Variants in HBM observed in about 807,000 individuals in gnomAD.
HBM encodes the protein hemoglobin subunit mu.
A neutral mutation model predicts 12.8 loss-of-function variants in HBM; 9 were observed. The observed-to-expected ratio is 0.70, with a 90% confidence interval of 0.42 to 1.23. The LOEUF (loss-of-function observed/expected upper bound fraction) is 1.23, where lower values mean the gene tolerates loss of function less well. HBM is among the 50% of genes most tolerant of loss of function. HBM has a pLI of 0.00. For missense variants in HBM, 214 were observed against 195.4 expected (o/e 1.10, Z -0.57); for synonymous variants, 100 against 92.0 (o/e 1.09, Z -0.50).
chr16:166,254 A>G lies in HBM; in HGVS notation c.93-14A>G. The G allele has an allele frequency of 6.3e-7, 1 of 1,585,596 alleles. No individual in the cohort carries two copies. The stretch of plus-strand genomic sequence containing the variant: ...CAGCCGCCCTCCTCCCCGGTCACTG[A>G]CCTGGTCCTGCAGGCTCTTCACGGT... On this transcript the variant is annotated splice_polypyrimidine_tract_variant and intron_variant, in intron 1 of 2. Coordinates refer to ENST00000356815, the MANE Select transcript of HBM (RefSeq NM_001003938.4).
rs1030308310 is a variant in HBM, at chr16:166,336, A to G, written c.161A>G (p.Gln54Arg). The G allele has an allele frequency of 6.9e-6, 11 of 1,594,886 alleles. No homozygotes were observed. The South Asian group carries it at 1.1e-4, about 16-fold the overall frequency. Residue 54 changes from glutamine to arginine, a missense_variant, in exon 2 of 3, where the codon CAG becomes CGG. Gln to Arg is a conservative substitution (Grantham distance 43). Transcript: ENST00000356815. ...PHLSACQDAT[Q>R]LLSHGQRMLA... ...CTGAGCGCCTGCCAGGACGCGACGC[A>G]GCTGCTGAGCCACGGGCAGCGCATG...
At position 166,368 on chromosome 16, in the gene HBM, G is replaced by A. The variant is rs200995285; in HGVS notation, c.193G>A (p.Ala65Thr). 5 of 1,585,002 alleles carry A rather than the reference G, an allele frequency of 3.2e-6. No individual in the cohort carries two copies. The East Asian group carries it at 9.1e-5, about 29-fold the overall frequency. Residue 65 changes from alanine to threonine, a missense_variant, in exon 2 of 3, where the codon GCT becomes ACT. Coordinates refer to ENST00000356815, the MANE Select transcript of HBM (RefSeq NM_001003938.4). Reference sequence around the variant, plus strand: ...GAGCCACGGGCAGCGCATGCTGGCGGCTGTGGGCGCGGCGGTGCAGCACGT... The same window carrying A: ...GAGCCACGGGCAGCGCATGCTGGCGACTGTGGGCGCGGCGGTGCAGCACGT... ...LLSHGQRMLA[A>T]VGAAVQHVDN...
rs1567161488 is a variant in HBM at position 166,040 on chromosome 16, G to T, written c.43G>T (p.Asp15Tyr). ...QERAQIAQVW[D>Y]LIAGHEAQFG... is the part of the protein sequence containing the mutation. ...GCGCGCCCAAATCGCGCAGGTCTGGGACCTGATTGCGGGCCACGAGGCGCA... is the reference window on the plus strand; with the variant it reads ...GCGCGCCCAAATCGCGCAGGTCTGGTACCTGATTGCGGGCCACGAGGCGCA... The change falls in exon 1 of 3, where the codon GAC (aspartate) becomes TAC (tyrosine). Residue 15 changes from aspartate to tyrosine, a missense_variant. Physicochemically the swap from Asp to Tyr is radical, Grantham distance 160. Transcript: ENST00000356815. 1 of 1,601,524 alleles carries T rather than the reference G, an allele frequency of 6.2e-7. No individual in the cohort carries two copies. Among genetic ancestry groups the T allele is most frequent in the South Asian group, 1.1e-5 (1 of 90,100 alleles).
chr16:166,714 G>T lies in HBM; in HGVS notation c.*6G>T. ...TGACCGAAAAATACCGCTGAGCCCT[G>T]TGCTGCGCAGGCCTTGGTCTGTGCC... On this transcript the variant is annotated 3_prime_UTR_variant, in exon 3 of 3. Coordinates refer to ENST00000356815, the MANE Select transcript of HBM (RefSeq NM_001003938.4). 1 of 1,613,938 alleles carries T rather than the reference G, an allele frequency of 6.2e-7. No individual in the cohort carries two copies.
chr16:166,753 A>T lies in HBM; in HGVS notation c.*45A>T. 2 of 1,607,108 alleles carry T rather than the reference A, an allele frequency of 1.2e-6. No individual in the cohort carries two copies. The highest frequency in any genetic ancestry group is 8.5e-7 in the Non-Finnish European group (1 of 1,176,454). The stretch of plus-strand genomic sequence containing the variant: ...TTGGTCTGTGCCTGTCAATAAACAG[A>T]GGCCCGAACCATCTGCCCCTGCCTG... On this transcript the variant is annotated 3_prime_UTR_variant, in exon 3 of 3. Transcript: ENST00000356815.
rs756971365 is a variant in HBM at position 166,602 on chromosome 16, T to C, written c.320T>C (p.Val107Ala). The C allele has an allele frequency of 6.2e-7, 1 of 1,613,832 alleles. No homozygotes were observed. Among genetic ancestry groups the C allele is most frequent in the Admixed American group, 1.7e-5 (1 of 59,990 alleles). ...NFPLLIQCFH[V>A]VLASHLQDEF... ...CAGCTGCTAATCCAGTGTTTCCACG[T>C]CGTGCTGGCCTCCCACCTGCAGGAC... is the stretch of plus-strand genomic sequence containing the variant. Residue 107 changes from valine to alanine, a missense_variant, in exon 3 of 3, where the codon GTC becomes GCC. Transcript: ENST00000356815.
Position 166,105 on chromosome 16 carries a change from G to A in HBM, c.92+16G>A, listed in dbSNP as rs1208306107. ...TGCTGCTCAGGTCGGTAGAGGCGGG[G>A]TCTCCGGGAGCTCAGGGAGGTGGAG... On this transcript the variant is annotated intron_variant, in intron 1 of 2. Transcript: ENST00000356815. 6 of 1,583,464 alleles carry A rather than the reference G, an allele frequency of 3.8e-6. No homozygotes were observed. Among genetic ancestry groups the A allele is most frequent in the East Asian group, 2.3e-5 (1 of 43,986 alleles).
rs1316577989 is a variant in HBM, at chr16:166,101, C to A, written c.92+12C>A. 6.3e-7 allele frequency: 1 copy of A among 1,582,706 alleles called. No homozygotes were observed. Among genetic ancestry groups the A allele is most frequent in the Non-Finnish European group, 8.6e-7 (1 of 1,161,400 alleles). On this transcript the variant is annotated intron_variant, in intron 1 of 2. Transcript: ENST00000356815. ...GAGCTGCTGCTCAGGTCGGTAGAGG[C>A]GGGGTCTCCGGGAGCTCAGGGAGGT...
chr16:166,122 G>A (rs758597107), intron 1 of HBM, 33 bp downstream of exon 1: 17 of 1,556,900 alleles, frequency 1.1e-5, no homozygotes, highest in Admixed American at 1.8e-5. Flanking sequence ...GGAGCTCAGG[G>A]AGGTGGAGAT....
chr16:166,045 G>C lies in HBM; in HGVS notation c.48G>C (p.Leu16=). ...CCCAAATCGCGCAGGTCTGGGACCT[G>C]ATTGCGGGCCACGAGGCGCAATTCG... ...ERAQIAQVWD[L]IAGHEAQFGA... is the part of the protein sequence containing the mutation. Residue 16 remains leucine (L), a synonymous_variant, in exon 1 of 3, where the codon CTG becomes CTC. Coordinates refer to ENST00000356815, the MANE Select transcript of HBM (RefSeq NM_001003938.4). 1 of 1,602,206 alleles carries C rather than the reference G, an allele frequency of 6.2e-7. No homozygotes were observed. Among genetic ancestry groups the C allele is most frequent in the Non-Finnish European group, 8.5e-7 (1 of 1,176,236 alleles).
At position 166,316 on chromosome 16, in the gene HBM, C is replaced by G. The variant is rs753616222; in HGVS notation, c.141C>G (p.Ser47Arg). 5.6e-6 allele frequency: 9 copies of G among 1,595,334 alleles called. No homozygotes were observed. The highest frequency in any genetic ancestry group is 2.2e-5 in the South Asian group (2 of 90,608). The change falls in exon 2 of 3, where the codon AGC becomes AGG. Residue 47 changes from serine (S) to arginine (R), a missense_variant. By Grantham distance (110) the Ser-to-Arg change is moderately radical (BLOSUM62 -1). Coordinates refer to ENST00000356815, the MANE Select transcript of HBM (RefSeq NM_001003938.4). ...CCAAGGTCTACTTCCCGCACCTGAG[C>G]GCCTGCCAGGACGCGACGCAGCTGC... is the stretch of plus-strand genomic sequence containing the variant. The part of the protein sequence containing the change: ...PSTKVYFPHL[S>R]ACQDATQLLS...
chr16:166,161 G>C, intron 1 of HBM, 72 bp downstream of exon 1: 1 of 1,464,184 alleles, frequency 6.8e-7, no homozygotes, highest in Non-Finnish European at 9.3e-7. Flanking sequence ...GGCCGCCAAC[G>C]CCATCCAAGG....
Position 166,604 on chromosome 16 carries a change from G to A in HBM, c.322G>A (p.Val108Met). 1.2e-6 allele frequency: 2 copies of A among 1,613,854 alleles called. No homozygotes were observed. Among genetic ancestry groups the A allele is most frequent in the East Asian group, 4.5e-5 (2 of 44,866 alleles). ...GCTGCTAATCCAGTGTTTCCACGTC[G>A]TGCTGGCCTCCCACCTGCAGGACGA... is the stretch of plus-strand genomic sequence containing the variant. ...FPLLIQCFHVVLASHLQDEFT... is the reference protein window; with the variant it reads ...FPLLIQCFHVMLASHLQDEFT... Residue 108 changes from valine to methionine, a missense_variant, in exon 3 of 3, where the codon GTG becomes ATG. Physicochemically the swap from Val to Met is conservative, Grantham distance 21. Coordinates refer to ENST00000356815, the MANE Select transcript of HBM (RefSeq NM_001003938.4).
At position 166,463 on chromosome 16, in the gene HBM, C is replaced by T. The variant is rs898720724; in HGVS notation, c.288C>T (p.Ala96=). The T allele has an allele frequency of 3.8e-5, 59 of 1,549,592 alleles. No homozygotes were observed. The highest frequency in any genetic ancestry group is 4.9e-5 in the Non-Finnish European group (57 of 1,152,438). The change falls in exon 2 of 3, where the codon GCC becomes GCT. Residue 96 remains alanine, a synonymous_variant. Coordinates refer to ENST00000356815, the MANE Select transcript of HBM (RefSeq NM_001003938.4). The stretch of plus-strand genomic sequence containing the variant: ...CGCTCGTGCTGCGCGTGGACCCAGC[C>T]AACTTTCCGGTGAGGCCTTTCCGGC... ...LHALVLRVDP[A]NFPLLIQCFH...
chr16:166,453 T>G lies in HBM; in HGVS notation c.278T>G (p.Val93Gly). 1 of 1,548,810 alleles carries G rather than the reference T, an allele frequency of 6.5e-7. No individual in the cohort carries two copies. ...GACCTGCACGCGCTCGTGCTGCGCG[T>G]GGACCCAGCCAACTTTCCGGTGAGG... is the stretch of plus-strand genomic sequence containing the variant. ...LADLHALVLR[V>G]DPANFPLLIQ... Residue 93 changes from valine (V) to glycine (G), a missense_variant, in exon 2 of 3, where the codon GTG (valine) becomes GGG (glycine). Coordinates refer to ENST00000356815, the MANE Select transcript of HBM (RefSeq NM_001003938.4).
In HBM at chr16:166,423, T is replaced by C; in HGVS notation, c.248T>C (p.Leu83Pro). 3.2e-6 allele frequency: 5 copies of C among 1,551,820 alleles called. No homozygotes were observed. The highest frequency in any genetic ancestry group is 3.5e-6 in the Non-Finnish European group (4 of 1,155,516). The change falls in exon 2 of 3, where the codon CTG becomes CCG. Residue 83 changes from leucine to proline, a missense_variant. Physicochemically the swap from Leu to Pro is moderately conservative, Grantham distance 98. Coordinates refer to ENST00000356815, the MANE Select transcript of HBM (RefSeq NM_001003938.4). Reference protein sequence around the residue: ...VDNLRAALSPLADLHALVLRV... With the variant: ...VDNLRAALSPPADLHALVLRV... ...AACCTGCGCGCCGCGCTGAGCCCGC[T>C]GGCGGACCTGCACGCGCTCGTGCTG...
Position 166,755 on chromosome 16 carries a change from G to A in HBM, c.*47G>A, listed in dbSNP as rs373584846. The A allele has an allele frequency of 5.0e-4, 799 of 1,605,510 alleles. No individual in the cohort carries two copies. The highest frequency in any genetic ancestry group is 5.8e-4 in the Non-Finnish European group (682 of 1,175,640). ...GGTCTGTGCCTGTCAATAAACAGAG[G>A]CCCGAACCATCTGCCCCTGCCTGTG... On this transcript the variant is annotated 3_prime_UTR_variant, in exon 3 of 3. Coordinates refer to ENST00000356815, the MANE Select transcript of HBM (RefSeq NM_001003938.4).
intron 1 of HBM, 22 bp from the exon 2 acceptor site, chr16:166,246 G>C: frequency 6.3e-7 from 1 of 1,578,170 alleles, no homozygotes; most frequent in African/African-American, 1.3e-5. Flanking sequence ...CCTCCTCCCC[G>C]GTCACTGACC....
chr16:166,421 G>T lies in HBM; in HGVS notation c.246G>T (p.Pro82=), dbSNP rs118054833. Residue 82 remains proline, a synonymous_variant, in exon 2 of 3, where the codon CCG becomes CCT. Coordinates refer to ENST00000356815, the MANE Select transcript of HBM (RefSeq NM_001003938.4). Reference sequence around the variant, plus strand: ...ACAACCTGCGCGCCGCGCTGAGCCCGCTGGCGGACCTGCACGCGCTCGTGC... The same window carrying T: ...ACAACCTGCGCGCCGCGCTGAGCCCTCTGGCGGACCTGCACGCGCTCGTGC... ...HVDNLRAALS[P]LADLHALVLR... 47,749 of 1,553,368 alleles carry T rather than the reference G, an allele frequency of 0.031. 881 individuals carry two copies. The highest frequency in any genetic ancestry group is 0.038 in the Non-Finnish European group (43,819 of 1,156,456).
Sources: allele counts gnomAD v4.1 joint callset, GRCh38; gene constraint gnomAD v4.1.1; transcripts MANE v1.5; gene names NCBI Gene and HGNC (gene_info 2026-07-23, HGNC 2026-07-21).